Variants in SPAG17 observed in about 807,000 individuals in gnomAD.
The protein encoded by SPAG17 is sperm associated antigen 17.
SPAG17 carries 169 observed loss-of-function variants against 273.6 expected under a neutral mutation model. That is an observed-to-expected ratio of 0.62 (90% CI 0.55 to 0.70). SPAG17 has a LOEUF of 0.70. Ranked by LOEUF, SPAG17 falls within the 30% of genes least tolerant of loss-of-function variation. The pLI, the probability that SPAG17 is intolerant of heterozygous loss-of-function variation, is 0.00. For synonymous variants in SPAG17, 825 were observed against 873.2 expected (o/e 0.94, Z 0.97); for missense variants, 2,557 against 2,627.8 (o/e 0.97, Z 0.59).
chr1:118,012,685 G>A (rs1263404099), intron 29 of SPAG17, among the ~76,000 whole-genome samples: 1 of 152,204 alleles, frequency 6.6e-6, no homozygotes, highest in Non-Finnish European at 1.5e-5. Flanking sequence ...CTGGAAAAAT[G>A]ACCACAGGCC....
At chr1:118,085,537 C>T (rs558732060) in intron 13 of SPAG17, among the ~76,000 whole-genome samples, 6 of 138,350 alleles carry the variant, frequency 4.3e-5, no homozygotes, top group East Asian at 3.1e-4. Flanking sequence ...CGTGCGCGCG[C>T]GCACACACAC....
At chr1:118,091,122 T>G (rs1264527083) in intron 10 of SPAG17, among the ~76,000 whole-genome samples, 2 of 152,106 alleles carry the variant, frequency 1.3e-5, no homozygotes, top group South Asian at 2.1e-4. Flanking sequence ...TAAAACATAT[T>G]TAAGTGAATA....
At position 118,025,416 on chromosome 1, in the gene SPAG17, C is replaced by T. The variant is rs957625132; in HGVS notation, c.3731G>A (p.Gly1244Asp). 2.0e-6 allele frequency: 3 copies of T among 1,528,210 alleles called. No homozygotes were observed. Among genetic ancestry groups the T allele is most frequent in the African/African-American group, 1.4e-5 (1 of 71,124 alleles). The allele number at this position is 1,528,210 out of a possible 1,614,324, so 94.7% of individuals were successfully genotyped here. ...GGGTTCCTCATCTATAACATATTGA[C>T]CTAAAAAAAGAATAAAGCCTTCTTG... is the stretch of plus-strand genomic sequence containing the variant. Reference protein sequence around the residue: ...LLTFIGQESTGQYVIDEEPTW... With the variant: ...LLTFIGQESTDQYVIDEEPTW... Residue 1244 changes from glycine to aspartate, a missense_variant and splice_region_variant, in exon 27 of 49, where the codon GGT becomes GAT. Coordinates refer to ENST00000336338, the MANE Select transcript of SPAG17 (RefSeq NM_206996.4).
rs77616595 is a variant in SPAG17, at chr1:117,974,801, A to T, written c.6005-1240T>A. 3.0e-3 allele frequency among the ~76,000 whole-genome samples: 452 copies of T among 152,298 alleles called. 1 individual carries two copies. Among genetic ancestry groups the T allele is most frequent in the African/African-American group, 0.01 (429 of 41,544 alleles). ...AGTTAAAAATCCTTTCCTGCATTCA[A>T]ATCAGGAAGAGAGGAAAAGGAAGGG... On this transcript the variant is annotated intron_variant, in intron 43 of 48. Coordinates refer to ENST00000336338, the MANE Select transcript of SPAG17 (RefSeq NM_206996.4).
At chr1:118,035,313 A>G (rs1648956750) in intron 24 of SPAG17, among the ~76,000 whole-genome samples, 1 of 152,236 alleles carries the variant, frequency 6.6e-6, no homozygotes, top group African/African-American at 2.4e-5. Context: ...GACTAAATCA[A>G]GATTAATAAA....
intron 17 of SPAG17, 71 bp downstream of exon 17, chr1:118,073,783 A>G: frequency 2.1e-6 from 2 of 961,534 alleles, no homozygotes; most frequent in Non-Finnish European, 3.1e-6. Context: ...CTGGAGGTGA[A>G]CTGTTCTAAA....
At chr1:118,064,749 A>AAAAAT (rs919204665) in intron 18 of SPAG17, among the ~76,000 whole-genome samples, 12 of 151,380 alleles carry the variant, frequency 7.9e-5, no homozygotes, top group Middle Eastern at 3.4e-3. Context: ...TAATAAAATT[A>AAAAAT]AAAATAAAAT....
At chr1:118,141,009 T>C (rs1345839824) in intron 3 of SPAG17, among the ~76,000 whole-genome samples, 1 of 152,208 alleles carries the variant, frequency 6.6e-6, no homozygotes, top group African/African-American at 2.4e-5. Context: ...CTCTTTTCAG[T>C]TGGATCTTCT....
chr1:118,075,038 G>A (rs1471994675), intron 15 of SPAG17, among the ~76,000 whole-genome samples: 1 of 152,126 alleles, frequency 6.6e-6, no homozygotes, highest in Non-Finnish European at 1.5e-5. Flanking sequence ...TAGGGTGGGG[G>A]CAGGCCATGC....
chr1:118,062,354 G>T lies in SPAG17; in HGVS notation c.2540+4391C>A, dbSNP rs908377418. On this transcript the variant is annotated intron_variant, in intron 18 of 48. Transcript: ENST00000336338. ...TGCACTCCAGCCTGGGCGACAGAGCGAGACTCCATCTCAAAAAAAAAAAAA... is the reference window on the plus strand; with the variant it reads ...TGCACTCCAGCCTGGGCGACAGAGCTAGACTCCATCTCAAAAAAAAAAAAA... Among the ~76,000 whole-genome samples the T allele has an allele frequency of 1.2e-4, 7 of 57,276 alleles. No homozygotes were observed. In the East Asian group the frequency reaches 1.9e-3, roughly 15 times the overall value. 37.6% of individuals were successfully genotyped at this position (57,276 alleles called of 152,430 possible). A position where few individuals can be genotyped will look rare whatever the true frequency, so the allele number is the denominator to read the frequency against.
At position 118,101,803 on chromosome 1, in the gene SPAG17, G is replaced by A. The variant is rs767996778; in HGVS notation, c.571C>T (p.Pro191Ser). Reference sequence around the variant, plus strand: ...TTTAACTGGGTGGTCTTTTTCACTGGTGCATTTGCCTCAGGCTGATCCTTT... The same window carrying A: ...TTTAACTGGGTGGTCTTTTTCACTGATGCATTTGCCTCAGGCTGATCCTTT... ...KGKDQPEANA[P>S]VKKTTQLKRR... Residue 191 changes from proline to serine, a missense_variant, in exon 5 of 49, where the codon CCA becomes TCA. Transcript: ENST00000336338. 10 of 1,614,030 alleles carry A rather than the reference G, an allele frequency of 6.2e-6. No homozygotes were observed. Among genetic ancestry groups the A allele is most frequent in the Middle Eastern group, 1.7e-4 (1 of 6,060 alleles).
Position 117,971,982 on chromosome 1 carries a change from TG to T in SPAG17, c.6206del (p.Ala2069GlufsTer30). ...GATGGAACCCAAAAAGGGATGACTTTGCATTATTAATGGCAGCAGATGCAAC... is the reference window on the plus strand; with the variant it reads ...GATGGAACCCAAAAAGGGATGACTTTCATTATTAATGGCAGCAGATGCAAC... ...SSVASAAINNAKSSLFGFHLL... is the reference protein window; with the variant it reads ...SSVASAAINNXKSSLFGFHLL... On this transcript the variant is annotated frameshift_variant, in exon 45 of 49. Transcript: ENST00000336338. LOFTEE classifies it high-confidence loss of function. 2 of 1,614,122 alleles carry T rather than the reference TG, an allele frequency of 1.2e-6. No homozygotes were observed. Among genetic ancestry groups the T allele is most frequent in the Non-Finnish European group, 1.7e-6 (2 of 1,179,986 alleles).
At chr1:118,092,528 A>G (rs987758316) in intron 8 of SPAG17, among the ~76,000 whole-genome samples, 3 of 152,098 alleles carry the variant, frequency 2.0e-5, no homozygotes, top group Non-Finnish European at 2.9e-5. Flanking sequence ...CTTGACCTCC[A>G]TATCTTTGTA....
At chr1:118,134,436 T>G (rs1658229524) in intron 3 of SPAG17, among the ~76,000 whole-genome samples, 1 of 152,208 alleles carries the variant, frequency 6.6e-6, no homozygotes, top group African/African-American at 2.4e-5. Context: ...GTATGCTTTC[T>G]CTATATTTTC....
At chr1:118,118,460 T>G (rs1657220838) in intron 3 of SPAG17, among the ~76,000 whole-genome samples, 1 of 152,102 alleles carries the variant, frequency 6.6e-6, no homozygotes, top group African/African-American at 2.4e-5. Flanking sequence ...GTCAGAAAAA[T>G]AGTCCTGAAT....
intron 35 of SPAG17, among the ~76,000 whole-genome samples, chr1:117,992,880 T>A (rs937246397): frequency 9.2e-5 from 14 of 152,128 alleles, no homozygotes; most frequent in African/African-American, 2.9e-4. Context: ...TATTTAAAAA[T>A]CCTGTTGCAT....
At chr1:118,050,694 G>A (rs1220087025) in intron 20 of SPAG17, among the ~76,000 whole-genome samples, 1 of 152,142 alleles carries the variant, frequency 6.6e-6, no homozygotes, top group East Asian at 1.9e-4. Context: ...ATATCCACAT[G>A]CAAAAGAATG....
At chr1:118,022,428 A>G (rs1647221558) in intron 28 of SPAG17, among the ~76,000 whole-genome samples, 1 of 83,984 alleles carries the variant, frequency 1.2e-5, no homozygotes, top group Admixed American at 1.0e-4. Flanking sequence ...TCACAAAATG[A>G]AACAAAACAA....
At chr1:117,954,098 A>T (rs753983825) in intron 48 of SPAG17, 49 bp from the exon 49 acceptor site, 38 of 1,610,866 alleles carry the variant, frequency 2.4e-5, no homozygotes, top group Non-Finnish European at 3.0e-5. Flanking sequence ...GCAGGGAAAG[A>T]GGTAATAAGA....
Sources: gnomAD v4.1 joint callset for allele counts (sites outside exome capture counted in the v4.1 genomes callset) on GRCh38, gnomAD v4.1.1 for gene constraint, MANE v1.5 for transcripts, NCBI Gene and HGNC (gene_info 2026-07-23, HGNC 2026-07-21) for gene names.